BLTP3B: variants seen among roughly 807,000 people sequenced by gnomAD.
BLTP3B encodes UHRF1 (ICBP90) binding protein 1-like.
the BLTP3B span, among the ~76,000 whole-genome samples, chr12:100,120,457 T>C: frequency 6.6e-6 from 1 of 152,128 alleles, no homozygotes; most frequent in African/African-American, 2.4e-5. Flanking sequence ...AGATGGCAGA[T>C]AGGCACTTGA....
the BLTP3B span, among the ~76,000 whole-genome samples, chr12:100,096,413 T>TTA: frequency 6.6e-6 from 1 of 152,152 alleles, no homozygotes; most frequent in African/African-American, 2.4e-5. Context: ...AGCTGATAAA[T>TTA]TATATAATTA....
the BLTP3B span, chr12:100,037,734 G>C: frequency 6.2e-7 from 1 of 1,605,604 alleles, no homozygotes; most frequent in Admixed American, 1.7e-5. Context: ...TCCTGTTTAA[G>C]AGATTCATTC....
the BLTP3B span, chr12:100,037,673 G>C: frequency 3.1e-6 from 5 of 1,610,300 alleles, no homozygotes; most frequent in African/African-American, 2.7e-5. Context: ...ATGAAGAAGA[G>C]CATCTTTTTC....
chr12:100,071,326 A>C, the BLTP3B span, among the ~76,000 whole-genome samples: 1 of 151,702 alleles, frequency 6.6e-6, no homozygotes, highest in African/African-American at 2.4e-5. Context: ...ACAAAACCCT[A>C]TCTCTATCAA....
At chr12:100,098,644 G>A in the BLTP3B span, 10 of 1,253,914 alleles carry the variant, frequency 8.0e-6, no homozygotes, top group African/African-American at 1.2e-4. Flanking sequence ...GCTCATACCT[G>A]TACTCCCAGC....
the BLTP3B span, among the ~76,000 whole-genome samples, chr12:100,120,269 G>A: frequency 7.9e-5 from 12 of 152,162 alleles, no homozygotes; most frequent in East Asian, 1.2e-3. Flanking sequence ...CCAGCTACTC[G>A]GGAGGCTGAG....
the BLTP3B span, among the ~76,000 whole-genome samples, chr12:100,046,445 A>T: frequency 6.6e-6 from 1 of 152,270 alleles, no homozygotes; most frequent in East Asian, 1.9e-4. Context: ...ATGAAGCTGG[A>T]AACAATCATT....
the BLTP3B span, among the ~76,000 whole-genome samples, chr12:100,063,632 G>A: frequency 8.6e-5 from 13 of 151,514 alleles, no homozygotes; most frequent in African/African-American, 3.2e-4. Flanking sequence ...CTTGAGCCCA[G>A]GAGACGAAGG....
At chr12:100,059,065 G>A in the BLTP3B span, 1 of 1,614,036 alleles carries the variant, frequency 6.2e-7, no homozygotes, top group Non-Finnish European at 8.5e-7. Flanking sequence ...GGCTCTTTTT[G>A]TGACTCTGCA....
At chr12:100,131,217 G>A in the BLTP3B span, among the ~76,000 whole-genome samples, 1 of 151,660 alleles carries the variant, frequency 6.6e-6, no homozygotes, top group Non-Finnish European at 1.5e-5. Flanking sequence ...AGGCTGAAGT[G>A]GGAGGATTGC....
the BLTP3B span, among the ~76,000 whole-genome samples, chr12:100,132,118 T>C: frequency 6.6e-6 from 1 of 152,240 alleles, no homozygotes; most frequent in East Asian, 1.9e-4. Flanking sequence ...AAATTATTTG[T>C]CCTAAGCATA....
chr12:100,039,482 T>C, the BLTP3B span: 1 of 1,136,678 alleles, frequency 8.8e-7, no homozygotes, highest in African/African-American at 1.6e-5. Context: ...CTGGGCACAA[T>C]AACAAGCACT....
At chr12:100,070,867 G>A in the BLTP3B span, among the ~76,000 whole-genome samples, 1 of 151,992 alleles carries the variant, frequency 6.6e-6, no homozygotes, top group Admixed American at 6.6e-5. Flanking sequence ...TCAGCCAGAT[G>A]TGGTGGTGCA....
At chr12:100,056,815 C>T in the BLTP3B span, among the ~76,000 whole-genome samples, 3 of 148,246 alleles carry the variant, frequency 2.0e-5, no homozygotes, top group Admixed American at 1.4e-4. Flanking sequence ...CCAGCCTGGG[C>T]GACAGAGTGA....
chr12:100,103,588 A>AAGGATCTAAC, the BLTP3B span, among the ~76,000 whole-genome samples: 1 of 152,202 alleles, frequency 6.6e-6, no homozygotes, highest in Non-Finnish European at 1.5e-5. Flanking sequence ...AGATCACTAA[A>AAGGATCTAAC]AGGAGAAACA....
At chr12:100,091,084 T>C in the BLTP3B span, among the ~76,000 whole-genome samples, 1 of 151,234 alleles carries the variant, frequency 6.6e-6, no homozygotes, top group African/African-American at 2.4e-5. Context: ...TGGAGTGTAG[T>C]GGCATGATCT....
chr12:100,051,146 T>A, the BLTP3B span: 1 of 1,614,146 alleles, frequency 6.2e-7, no homozygotes, highest in Non-Finnish European at 8.5e-7. Flanking sequence ...AGTTTCACCA[T>A]AATTCTGTAG....
At chr12:100,102,363 C>T in the BLTP3B span, among the ~76,000 whole-genome samples, 1 of 152,068 alleles carries the variant, frequency 6.6e-6, no homozygotes, top group Non-Finnish European at 1.5e-5. Context: ...CCACCCGCCT[C>T]GGCCTCCCAA....
the BLTP3B span, chr12:100,051,195 A>G: frequency 5.3e-4 from 857 of 1,610,374 alleles, 4 homozygotes; most frequent in African/African-American, 0.01. Flanking sequence ...GTGCCCCTGT[A>G]ATTTGTAGTT....
Sources: allele counts gnomAD v4.1 joint callset (sites outside exome capture counted in the v4.1 genomes callset), GRCh38; gene constraint gnomAD v4.1.1; transcripts MANE v1.5; gene names NCBI Gene and HGNC (gene_info 2026-07-23, HGNC 2026-07-21).